Variants in SNX19 observed in about 807,000 individuals in gnomAD.
SNX19 encodes sorting nexin 19.
In SNX19, 60 loss-of-function variants were observed where a neutral mutation model predicts 85.2. The ratio of observed to expected loss-of-function variants is 0.70; its 90% CI spans 0.57 to 0.87. SNX19 has a LOEUF of 0.87. SNX19 is among the 40% of genes least tolerant of loss of function. The probability of loss-of-function intolerance (pLI) is 0.00; values close to 1 mark genes in which losing one functional copy is unlikely to be tolerated. For synonymous variants in SNX19, 520 were observed against 470.0 expected (o/e 1.11, Z -1.38); for missense variants, 1,201 against 1,217.8 (o/e 0.99, Z 0.21).
At position 130,915,630 on chromosome 11, in the gene SNX19, G is replaced by T; in HGVS notation, c.310C>A (p.Arg104Ser). The T allele has an allele frequency of 6.2e-7, 1 of 1,614,242 alleles. No homozygotes were observed. The highest frequency in any genetic ancestry group is 1.1e-5 in the South Asian group (1 of 91,088). The part of the protein sequence containing the change: ...AERQLEREIN[R>S]TIQMIIRDFV... The stretch of plus-strand genomic sequence containing the variant: ...TCTCGAATAATCATCTGGATGGTGC[G>T]GTTGATCTCCCGTTCCAGCTGCCTT... The change falls in exon 1 of 11, where the codon CGC (arginine) becomes AGC (serine). Residue 104 changes from arginine to serine, a missense_variant. This residue lies in a region of SNX19 where 791 missense variants were observed against 750.9 expected (regional missense o/e 1.05). Coordinates refer to ENST00000265909, the MANE Select transcript of SNX19 (RefSeq NM_014758.3).
In SNX19 at chr11:130,873,046, C is replaced by T. The variant is rs920021991; in HGVS notation, c.*5376G>A. On this transcript the variant is annotated 3_prime_UTR_variant, in exon 11 of 11. Transcript: ENST00000265909. ...AATCATGCTGTCAACATTTTTAGAGCATAGCACTTACACTTTTACTAGGCC... is the reference window on the plus strand; with the variant it reads ...AATCATGCTGTCAACATTTTTAGAGTATAGCACTTACACTTTTACTAGGCC... Among the ~76,000 whole-genome samples, 2 of 152,164 alleles carry T rather than the reference C, an allele frequency of 1.3e-5. No homozygotes were observed. The highest frequency in any genetic ancestry group is 4.8e-5 in the African/African-American group (2 of 41,440).
At chr11:130,893,274 T>C (rs562411747) in intron 8 of SNX19, among the ~76,000 whole-genome samples, 2 of 152,136 alleles carry the variant, frequency 1.3e-5, no homozygotes, top group East Asian at 1.9e-4. Flanking sequence ...AGATTTAGAG[T>C]GTGCTCAGCC....
chr11:130,888,697 T>C (rs1169690164), intron 8 of SNX19, among the ~76,000 whole-genome samples: 2 of 152,214 alleles, frequency 1.3e-5, no homozygotes, highest in Non-Finnish European at 2.9e-5. Flanking sequence ...AAAGGCAAGA[T>C]ATCTGTGCAT....
chr11:130,884,871 C>CAAA (rs34426333), intron 8 of SNX19, among the ~76,000 whole-genome samples: 12 of 64,894 alleles, frequency 1.8e-4, no homozygotes, highest in South Asian at 5.5e-4. Context: ...GACTCCATCT[C>CAAA]AAAAAAAAAA....
intron 8 of SNX19, among the ~76,000 whole-genome samples, chr11:130,890,422 T>C (rs772193463): frequency 1.2e-4 from 18 of 152,206 alleles, no homozygotes; most frequent in Non-Finnish European, 2.2e-4. Flanking sequence ...AAATGATTTT[T>C]CTCAATTGCA....
Position 130,915,947 on chromosome 11 carries a change from C to A in SNX19, c.-8G>T. ...CACTGTTTCTGTCTTCATGGCTGAA[C>A]GGACAAGGTGGCTTCCCCAGATGAC... is the stretch of plus-strand genomic sequence containing the variant. On this transcript the variant is annotated 5_prime_UTR_variant, in exon 1 of 11. Coordinates refer to ENST00000265909, the MANE Select transcript of SNX19 (RefSeq NM_014758.3). 6.2e-7 allele frequency: 1 copy of A among 1,610,254 alleles called. No individual in the cohort carries two copies. Among genetic ancestry groups the A allele is most frequent in the Non-Finnish European group, 8.5e-7 (1 of 1,177,654 alleles).
intron 7 of SNX19, among the ~76,000 whole-genome samples, chr11:130,904,621 A>C (rs1466885012): frequency 6.7e-6 from 1 of 150,008 alleles, no homozygotes; most frequent in Non-Finnish European, 1.5e-5. Flanking sequence ...TGTGGTAACA[A>C]TTAGTTACAG....
In SNX19 at chr11:130,872,448, T is replaced by C. The variant is rs894234929; in HGVS notation, c.*5974A>G. Among the ~76,000 whole-genome samples the C allele has an allele frequency of 6.6e-6, 1 of 152,048 alleles. No homozygotes were observed. Among genetic ancestry groups the C allele is most frequent in the Non-Finnish European group, 1.5e-5 (1 of 67,988 alleles). ...ACGCTTGACAATTAAAACATTCTTC[T>C]GGATTTCCTTTTTTTTTTTCTCTCT... is the stretch of plus-strand genomic sequence containing the variant. On this transcript the variant is annotated 3_prime_UTR_variant, in exon 11 of 11. Coordinates refer to ENST00000265909, the MANE Select transcript of SNX19 (RefSeq NM_014758.3).
chr11:130,905,919 C>T (rs1022731609), intron 7 of SNX19, 34 bp downstream of exon 7: 1 of 1,613,972 alleles, frequency 6.2e-7, no homozygotes, highest in African/African-American at 1.3e-5. Flanking sequence ...ACCCTGGCTC[C>T]CTTCTCCATG....
intron 1 of SNX19, among the ~76,000 whole-genome samples, chr11:130,912,585 C>T (rs750871012): frequency 2.8e-4 from 43 of 152,128 alleles, no homozygotes; most frequent in Admixed American, 4.6e-4. Flanking sequence ...TATTATTTTT[C>T]GGTTGAGGTA....
chr11:130,913,802 A>G (rs73028899), intron 1 of SNX19, among the ~76,000 whole-genome samples: 24,149 of 152,190 alleles, frequency 0.16, 2,194 homozygotes, highest in Middle Eastern at 0.25. Flanking sequence ...TTGACAAGAG[A>G]TAACATGAAG....
chr11:130,868,137 G>A lies in SNX19; in HGVS notation c.*10285C>T, dbSNP rs1004703356. 4 of 152,258 alleles carry A rather than the reference G, an allele frequency of 2.6e-5. No individual in the cohort carries two copies. The highest frequency in any genetic ancestry group is 1.9e-4 in the East Asian group (1 of 5,186). The allele number at this position is 152,258 out of a possible 1,614,324, so 9.4% of individuals were successfully genotyped here. A position where few individuals can be genotyped will look rare whatever the true frequency, so the allele number is the denominator to read the frequency against. On this transcript the variant is annotated 3_prime_UTR_variant, in exon 11 of 11. Transcript: ENST00000265909. ...GATAGTAAGAATCACCTGTTTTCTC[G>A]TGGTAAGAAGGTGCTTCCAGAAGGC...
intron 1 of SNX19, among the ~76,000 whole-genome samples, chr11:130,912,143 T>C (rs1055648864): frequency 6.6e-6 from 1 of 152,222 alleles, no homozygotes; most frequent in African/African-American, 2.4e-5. Flanking sequence ...GGGCAAACCA[T>C]TTTTCCATTA....
Position 130,903,278 on chromosome 11 carries a change from A to G in SNX19, c.2550T>C (p.Leu850=), listed in dbSNP as rs1419442415. 6.2e-7 allele frequency: 1 copy of G among 1,613,900 alleles called. No homozygotes were observed. Among genetic ancestry groups the G allele is most frequent in the Admixed American group, 1.7e-5 (1 of 60,018 alleles). The change falls in exon 8 of 11, where the codon CTT becomes CTC. Residue 850 remains leucine (L), a synonymous_variant. Coordinates refer to ENST00000265909, the MANE Select transcript of SNX19 (RefSeq NM_014758.3). The stretch of plus-strand genomic sequence containing the variant: ...ACCTTTGAACTAGGGTCCCAAAGAT[A>G]AGACGAAGAAACTTTTGCATGTTTT... ...CTENMQKFLR[L]IFGTLVQRWL...
Position 130,915,305 on chromosome 11 carries a change from G to C in SNX19, c.635C>G (p.Thr212Arg). The change falls in exon 1 of 11, where the codon ACG (threonine) becomes AGG (arginine). Residue 212 changes from threonine (T) to arginine (R), a missense_variant. By Grantham distance (71) the Thr-to-Arg change is moderately conservative. Coordinates refer to ENST00000265909, the MANE Select transcript of SNX19 (RefSeq NM_014758.3). Reference sequence around the variant, plus strand: ...AAGCAACAAATTCACAACGCCACGCGTATAGGTGACTTCAGCACTGGGGCT... The same window carrying C: ...AAGCAACAAATTCACAACGCCACGCCTATAGGTGACTTCAGCACTGGGGCT... ...VHSPSAEVTYTRGVVNLLLQG... is the reference protein window; with the variant it reads ...VHSPSAEVTYRRGVVNLLLQG... 1 of 1,614,190 alleles carries C rather than the reference G, an allele frequency of 6.2e-7. No individual in the cohort carries two copies. Among genetic ancestry groups the C allele is most frequent in the Non-Finnish European group, 8.5e-7 (1 of 1,180,018 alleles).
rs1296365868 is a variant in SNX19, at chr11:130,911,475, G to A, written c.1813+158C>T. The A allele has an allele frequency of 2.0e-6, 3 of 1,469,006 alleles. No individual in the cohort carries two copies. In the African/African-American group the frequency reaches 4.2e-5, roughly 21 times the overall value. The allele number at this position is 1,469,006 out of a possible 1,614,324, so 91.0% of individuals were successfully genotyped here. A position where few individuals can be genotyped will look rare whatever the true frequency, so the allele number is the denominator to read the frequency against. Reference sequence around the variant, plus strand: ...CCTCTGAAAGAATGTGATTGCTGCTGTCCAGCACTAAACTTCAAAACTCCT... The same window carrying A: ...CCTCTGAAAGAATGTGATTGCTGCTATCCAGCACTAAACTTCAAAACTCCT... On this transcript the variant is annotated intron_variant, in intron 2 of 10. Transcript: ENST00000265909.
chr11:130,915,973 AGC>A lies in SNX19; in HGVS notation c.-36_-35del. 6.3e-7 allele frequency: 1 copy of A among 1,575,978 alleles called. No individual in the cohort carries two copies. On this transcript the variant is annotated 5_prime_UTR_variant, in exon 1 of 11. Transcript: ENST00000265909. ...GGACAAGGTGGCTTCCCCAGATGAC[AGC>A]CCTCAAGATTTTACTTCAGAGTTAG...
rs1420403473 is a variant in SNX19 at position 130,867,919 on chromosome 11, G to A, written c.*10503C>T. 1 of 152,218 alleles carries A rather than the reference G, an allele frequency of 6.6e-6. No individual in the cohort carries two copies. Among genetic ancestry groups the A allele is most frequent in the Non-Finnish European group, 1.5e-5 (1 of 68,056 alleles). 9.4% of individuals were successfully genotyped at this position (152,218 alleles called of 1,614,324 possible). ...CTCTTGCGATGCCAGGCAAATGTGTGTTCCTCCCCATTTCACTGCCTTTCC... is the reference window on the plus strand; with the variant it reads ...CTCTTGCGATGCCAGGCAAATGTGTATTCCTCCCCATTTCACTGCCTTTCC... On this transcript the variant is annotated 3_prime_UTR_variant, in exon 11 of 11. Transcript: ENST00000265909.
intron 7 of SNX19, among the ~76,000 whole-genome samples, chr11:130,904,380 C>T (rs1945495393): frequency 6.6e-6 from 1 of 152,196 alleles, no homozygotes; most frequent in Non-Finnish European, 1.5e-5. Context: ...TGAATGACTT[C>T]CGATTTGGAC....
Sources: allele counts gnomAD v4.1 joint callset (sites outside exome capture counted in the v4.1 genomes callset), GRCh38; gene constraint gnomAD v4.1.1; regional missense constraint gnomAD v4.1.1; transcripts MANE v1.5; gene names NCBI Gene and HGNC (gene_info 2026-07-23, HGNC 2026-07-21).